The following C21orf91 variants were observed in gnomAD, a reference collection of about 807,000 sequenced individuals.
C21orf91 encodes chromosome 21 open reading frame 91, also known as protein EURL homolog.
C21orf91 carries 26 observed loss-of-function variants against 32.9 expected under a neutral mutation model. That is an observed-to-expected ratio of 0.79 (90% CI 0.58 to 1.10). The LOEUF is 1.10. Among genes scored for constraint, C21orf91 ranks in the 50% least tolerant of loss-of-function variants. The pLI is 0.00. For missense variants in C21orf91, 310 were observed against 341.3 expected (o/e 0.91, Z 0.72); for synonymous variants, 126 against 120.4 (o/e 1.05, Z -0.31).
At chr21:17,793,997 G>C (rs2062498411) in intron 4 of C21orf91, among the ~76,000 whole-genome samples, 1 of 152,158 alleles carries the variant, frequency 6.6e-6, no homozygotes, top group African/African-American at 2.4e-5. Context: ...TTGAATCCTT[G>C]TTCCTACTCT....
intron 2 of C21orf91, among the ~76,000 whole-genome samples, chr21:17,801,046 C>T (rs892202274): frequency 6.6e-6 from 1 of 152,116 alleles, no homozygotes; most frequent in African/African-American, 2.4e-5. Context: ...AATCTCATTA[C>T]TGGGTATATA....
chr21:17,806,266 T>C (rs1432147037), intron 2 of C21orf91, among the ~76,000 whole-genome samples: 1 of 152,084 alleles, frequency 6.6e-6, no homozygotes. Context: ...AGGTGATCGC[T>C]GGTGAGAGCA....
At chr21:17,794,190 T>G (rs1056143295) in intron 4 of C21orf91, among the ~76,000 whole-genome samples, 2 of 152,232 alleles carry the variant, frequency 1.3e-5, no homozygotes, top group Non-Finnish European at 2.9e-5. Context: ...GCTGTGTGGT[T>G]AAGCTTTGGA....
Position 17,792,455 on chromosome 21 carries a change from G to A in C21orf91, c.*960C>T, listed in dbSNP as rs2062482805. On this transcript the variant is annotated 3_prime_UTR_variant, in exon 5 of 5. Transcript: ENST00000284881. The stretch of plus-strand genomic sequence containing the variant: ...AAGTATTCTTGAAACTTTACCCAAA[G>A]TGGCACACAAAATAATCTTACTTTT... The A allele has an allele frequency of 6.7e-6, 1 of 149,740 alleles. No homozygotes were observed. The highest frequency in any genetic ancestry group is 6.7e-5 in the Admixed American group (1 of 14,860). 9.3% of individuals were successfully genotyped at this position (149,740 alleles called of 1,614,324 possible). A position where few individuals can be genotyped will look rare whatever the true frequency, so the allele number is the denominator to read the frequency against.
At chr21:17,814,268 G>A (rs190091366) in intron 2 of C21orf91, among the ~76,000 whole-genome samples, 15 of 152,210 alleles carry the variant, frequency 9.9e-5, no homozygotes, top group Admixed American at 9.8e-4. Context: ...TAGTGAGTTG[G>A]TCATTAAATA....
intron 2 of C21orf91, among the ~76,000 whole-genome samples, chr21:17,816,228 C>T (rs536268990): frequency 6.6e-6 from 1 of 152,286 alleles, no homozygotes; most frequent in South Asian, 2.1e-4. Flanking sequence ...TTATTCCATG[C>T]TTACATGCTG....
At position 17,793,460 on chromosome 21, in the gene C21orf91, T is replaced by C. The variant is rs746657286; in HGVS notation, c.849A>G (p.Gln283=). 6 of 1,613,286 alleles carry C rather than the reference T, an allele frequency of 3.7e-6. No individual in the cohort carries two copies. Among genetic ancestry groups the C allele is most frequent in the Non-Finnish European group, 5.1e-6 (6 of 1,179,544 alleles). ...LKNCSKLPCL[Q]VGRTGMKSHL... ...GCGACTTCATTCCTGTTCGCCCTAC[T>C]TGCAGACATGGTAACTTAGAACAGT... Residue 283 remains glutamine, a synonymous_variant, in exon 5 of 5, where the codon CAA becomes CAG. Transcript: ENST00000284881.
chr21:17,798,830 G>C (rs2062539490), intron 2 of C21orf91, among the ~76,000 whole-genome samples: 1 of 152,184 alleles, frequency 6.6e-6, no homozygotes, highest in Non-Finnish European at 1.5e-5. Context: ...GTTATCACAA[G>C]TTATACACCA....
rs1345214603 is a variant in C21orf91 at position 17,796,591 on chromosome 21, T to C, written c.655A>G (p.Arg219Gly). 1.9e-6 allele frequency: 3 copies of C among 1,608,464 alleles called. No individual in the cohort carries two copies. The highest frequency in any genetic ancestry group is 3.4e-5 in the Admixed American group (2 of 59,248). ...NVQTQHPHYS[R>G]EELNSMTLGE... ...TCCCCATTTTACTTACATTCCTCTC[T>C]GCTGTAATGTGGATGCTGGGTCTGG... is the stretch of plus-strand genomic sequence containing the variant. Residue 219 changes from arginine to glycine, a missense_variant, in exon 3 of 5, where the codon AGA becomes GGA. By Grantham distance (125) the Arg-to-Gly change is moderately radical (BLOSUM62 -2). Transcript: ENST00000284881.
At position 17,796,736 on chromosome 21, in the gene C21orf91, A is replaced by G. The variant is rs1568749375; in HGVS notation, c.510T>C (p.Phe170=). 6.8e-6 allele frequency: 11 copies of G among 1,614,186 alleles called. No individual in the cohort carries two copies. The highest frequency in any genetic ancestry group is 9.3e-6 in the Non-Finnish European group (11 of 1,180,012). Reference sequence around the variant, plus strand: ...CTGAATCTTGTAACATAGAAAGTCCAAAGTCTGTATTTTCCCTCTGCTCCA... The same window carrying G: ...CTGAATCTTGTAACATAGAAAGTCCGAAGTCTGTATTTTCCCTCTGCTCCA... The part of the protein sequence containing the change: ...RILEQRENTD[F]GLSMLQDSGA... The change falls in exon 3 of 5, where the codon TTT becomes TTC. Residue 170 remains phenylalanine, a synonymous_variant. Transcript: ENST00000284881.
intron 2 of C21orf91, among the ~76,000 whole-genome samples, chr21:17,798,824 T>C (rs1001835114): frequency 1.3e-5 from 2 of 152,232 alleles, no homozygotes; most frequent in African/African-American, 4.8e-5. Flanking sequence ...ACAGTAGTTA[T>C]CACAAGTTAT....
intron 3 of C21orf91, 21 bp downstream of exon 3, chr21:17,796,561 T>C: frequency 1.3e-6 from 2 of 1,581,924 alleles, no homozygotes; most frequent in Non-Finnish European, 1.7e-6. Context: ...CAACTTTTAC[T>C]TTTCTCCCCA....
chr21:17,796,372 T>C (rs1012627289), intron 3 of C21orf91, among the ~76,000 whole-genome samples: 2 of 152,154 alleles, frequency 1.3e-5, no homozygotes, highest in Non-Finnish European at 2.9e-5. Context: ...AAAACAAACA[T>C]GGAAATTGCT....
At chr21:17,808,593 T>C (rs776399982) in intron 2 of C21orf91, among the ~76,000 whole-genome samples, 3 of 152,208 alleles carry the variant, frequency 2.0e-5, no homozygotes, top group Non-Finnish European at 4.4e-5. Context: ...TGCAGGCACA[T>C]AACCCCAGTT....
chr21:17,815,411 T>C (rs2062658895), intron 2 of C21orf91, among the ~76,000 whole-genome samples: 2 of 152,206 alleles, frequency 1.3e-5, no homozygotes, highest in South Asian at 2.1e-4. Flanking sequence ...TAAAGTTAAA[T>C]GTCATTTTTA....
chr21:17,818,403 T>G (rs1054841158), intron 1 of C21orf91, 78 bp from the exon 2 acceptor site: 1 of 1,208,506 alleles, frequency 8.3e-7, no homozygotes, highest in Admixed American at 2.2e-5. Context: ...TGGGAACTTC[T>G]AGGAAATAAG....
rs112211713 is a variant in C21orf91 at position 17,800,995 on chromosome 21, C to T, written c.128-3877G>A. Among the ~76,000 whole-genome samples, 522 of 152,150 alleles carry T rather than the reference C, an allele frequency of 3.4e-3. 10 individuals are homozygous for T. In the East Asian group the frequency reaches 0.069, roughly 20 times the overall value. ...ACCATTGTGGAAGACAGTGTTGTGA[C>T]TCCTCAAGGATCTAGAACCAGAAAT... On this transcript the variant is annotated intron_variant, in intron 2 of 4. Transcript: ENST00000284881.
intron 2 of C21orf91, among the ~76,000 whole-genome samples, chr21:17,815,493 A>G (rs981449525): frequency 7.9e-5 from 12 of 152,198 alleles, no homozygotes; most frequent in South Asian, 2.1e-4. Flanking sequence ...AGAAAACTTC[A>G]AAAATATTTT....
chr21:17,793,383 A>G lies in C21orf91; in HGVS notation c.*32T>C. The G allele has an allele frequency of 6.7e-7, 1 of 1,482,278 alleles. No individual in the cohort carries two copies. Among genetic ancestry groups the G allele is most frequent in the Non-Finnish European group, 9.1e-7 (1 of 1,103,150 alleles). 91.8% of individuals were successfully genotyped at this position (1,482,278 alleles called of 1,614,324 possible). Reference sequence around the variant, plus strand: ...GTTTGCATGTCTGGGAGACCAATAAAGGGCAGGGCATACGAAGTAAGTCTG... The same window carrying G: ...GTTTGCATGTCTGGGAGACCAATAAGGGGCAGGGCATACGAAGTAAGTCTG... On this transcript the variant is annotated 3_prime_UTR_variant, in exon 5 of 5. Coordinates refer to ENST00000284881, the MANE Select transcript of C21orf91 (RefSeq NM_001100420.2).
Sources: gnomAD v4.1 joint callset for allele counts (sites outside exome capture counted in the v4.1 genomes callset) on GRCh38, gnomAD v4.1.1 for gene constraint, MANE v1.5 for transcripts, NCBI Gene and HGNC (gene_info 2026-07-23, HGNC 2026-07-21) for gene names.